The following LPP variants were observed in gnomAD, a reference collection of about 807,000 sequenced individuals.
LPP encodes the protein lipoma-preferred partner.
A neutral mutation model predicts 60.4 loss-of-function variants in LPP; 38 were observed. That is an observed-to-expected ratio of 0.63 (90% CI 0.49 to 0.83). The LOEUF (loss-of-function observed/expected upper bound fraction) is 0.83. Among genes scored for constraint, LPP ranks in the 40% least tolerant of loss-of-function variants. LPP has a pLI of 0.00. For synonymous variants in LPP, 328 were observed against 290.8 expected (o/e 1.13, Z -1.30); for missense variants, 902 against 783.6 (o/e 1.15, Z -1.80).
chr3:188,603,799 T>A (rs997122458), intron 6 of LPP, among the ~76,000 whole-genome samples: 3 of 152,162 alleles, frequency 2.0e-5, no homozygotes, highest in African/African-American at 7.2e-5. Flanking sequence ...GAAATATTCA[T>A]CATCTTAATC....
chr3:188,509,920 T>A (rs1429660072), intron 5 of LPP, among the ~76,000 whole-genome samples: 1 of 130,440 alleles, frequency 7.7e-6, no homozygotes, highest in Non-Finnish European at 1.6e-5. Context: ...GGTTTCACCA[T>A]GTTGGCCAGG....
intron 6 of LPP, among the ~76,000 whole-genome samples, chr3:188,601,853 G>A (rs1462245113): frequency 6.6e-6 from 1 of 151,964 alleles, no homozygotes; most frequent in Non-Finnish European, 1.5e-5. Context: ...TGGATCACTT[G>A]AGGTCAGGAG....
At chr3:188,397,804 G>C (rs1781323004) in intron 3 of LPP, among the ~76,000 whole-genome samples, 1 of 151,968 alleles carries the variant, frequency 6.6e-6, no homozygotes, top group African/African-American at 2.4e-5. Context: ...AGTTGAGAAG[G>C]GGTTTCAACA....
intron 4 of LPP, among the ~76,000 whole-genome samples, chr3:188,469,462 G>A (rs1426271): frequency 0.63 from 96,119 of 151,856 alleles, 31,305 homozygotes; most frequent in African/African-American, 0.8. Flanking sequence ...CAAATTGTTC[G>A]AGAACAGTTT....
chr3:188,770,715 T>G (rs555736954), intron 9 of LPP, among the ~76,000 whole-genome samples: 13 of 152,310 alleles, frequency 8.5e-5, no homozygotes, highest in Admixed American at 3.3e-4. Flanking sequence ...TCAAAGATTC[T>G]AGATATGAGA....
At chr3:188,767,197 G>C (rs919580105) in intron 9 of LPP, among the ~76,000 whole-genome samples, 3 of 152,084 alleles carry the variant, frequency 2.0e-5, no homozygotes, top group Non-Finnish European at 4.4e-5. Context: ...AAGGGGCAAA[G>C]ATGTAGTAGT....
At position 188,445,534 on chromosome 3, in the gene LPP, T is replaced by G. The variant is rs189601959; in HGVS notation, c.194-39058T>G. On this transcript the variant is annotated intron_variant, in intron 4 of 11. Transcript: ENST00000617246. ...GGATAGCATTAGGAGAAATACCTAA[T>G]GTAGATGACAGGTTGACGGATGCAG... Among the ~76,000 whole-genome samples, 637 of 152,192 alleles carry G rather than the reference T, an allele frequency of 4.2e-3. 3 individuals carry two copies. Among genetic ancestry groups the G allele is most frequent in the African/African-American group, 0.014 (590 of 41,524 alleles).
intron 2 of LPP, among the ~76,000 whole-genome samples, chr3:188,263,961 T>G (rs1734550251): frequency 6.6e-6 from 1 of 152,186 alleles, no homozygotes. Flanking sequence ...CTTAACAGAC[T>G]TTTATGGAGG....
At chr3:188,765,447 T>C (rs1332604351) in intron 9 of LPP, among the ~76,000 whole-genome samples, 2 of 152,186 alleles carry the variant, frequency 1.3e-5, no homozygotes, top group Non-Finnish European at 1.5e-5. Flanking sequence ...AAGTTAAGCA[T>C]GTTACCCACT....
At chr3:188,873,427 C>T (rs1038590520) in intron 11 of LPP, among the ~76,000 whole-genome samples, 27 of 152,166 alleles carry the variant, frequency 1.8e-4, no homozygotes, top group Non-Finnish European at 3.2e-4. Context: ...CAAACACACA[C>T]CTCTTGATGA....
intron 2 of LPP, among the ~76,000 whole-genome samples, chr3:188,250,722 CTCTCTTTCTTTCTTTCTTTCTT>C (rs1560158047): frequency 7.3e-6 from 1 of 137,110 alleles, no homozygotes. Flanking sequence ...TTCTTTCTTT[CTCTCTTTCTTTCTTTCTTTCTT>C]TCTTTCTTTC....
intron 8 of LPP, among the ~76,000 whole-genome samples, chr3:188,742,119 T>A (rs1339808203): frequency 2.0e-5 from 3 of 152,094 alleles, no homozygotes; most frequent in Non-Finnish European, 2.9e-5. Flanking sequence ...CATACATTGA[T>A]GAGAGTGGCT....
intron 3 of LPP, among the ~76,000 whole-genome samples, chr3:188,343,778 G>T (rs754639903): frequency 1.3e-5 from 2 of 152,158 alleles, no homozygotes; most frequent in Non-Finnish European, 2.9e-5. Context: ...AGTAACCTTT[G>T]GGAGGTGGAG....
chr3:188,851,204 G>A (rs1420592720), intron 9 of LPP, among the ~76,000 whole-genome samples: 2 of 152,144 alleles, frequency 1.3e-5, no homozygotes, highest in Non-Finnish European at 2.9e-5. Context: ...GGGGAAAATA[G>A]CCCCAAAGGT....
At chr3:188,868,681 A>G (rs943496060) in intron 10 of LPP, among the ~76,000 whole-genome samples, 3 of 152,224 alleles carry the variant, frequency 2.0e-5, no homozygotes, top group African/African-American at 7.2e-5. Flanking sequence ...TAGGCTAATC[A>G]CTGAAAGACC....
chr3:188,376,516 T>C (rs960125717), intron 3 of LPP, among the ~76,000 whole-genome samples: 5 of 152,220 alleles, frequency 3.3e-5, no homozygotes, highest in African/African-American at 1.2e-4. Flanking sequence ...TATCAGAGAC[T>C]AGGATTGCAA....
At chr3:188,346,385 A>G (rs1166165590) in intron 3 of LPP, among the ~76,000 whole-genome samples, 1 of 143,140 alleles carries the variant, frequency 7.0e-6, no homozygotes, top group East Asian at 2.1e-4. Context: ...TCAGCCTCCC[A>G]AGTAGCTGGG....
At chr3:188,314,290 T>C (rs1283714744) in intron 2 of LPP, among the ~76,000 whole-genome samples, 1 of 152,150 alleles carries the variant, frequency 6.6e-6, no homozygotes, top group African/African-American at 2.4e-5. Flanking sequence ...TTGATAGTGT[T>C]GTTATTGTTG....
At chr3:188,305,245 G>A (rs1199605458) in intron 2 of LPP, among the ~76,000 whole-genome samples, 2 of 152,138 alleles carry the variant, frequency 1.3e-5, no homozygotes, top group Non-Finnish European at 2.9e-5. Context: ...TTAGGAAAAG[G>A]TCAGTGTTAC....
Sources: gnomAD v4.1 joint callset for allele counts (sites outside exome capture counted in the v4.1 genomes callset) on GRCh38, gnomAD v4.1.1 for gene constraint, MANE v1.5 for transcripts, NCBI Gene and HGNC (gene_info 2026-07-23, HGNC 2026-07-21) for gene names.